Variants in CDH4 observed in about 807,000 individuals in gnomAD.
CDH4 encodes the protein cadherin-4.
Under a neutral mutation model 86.0 loss-of-function variants are expected in CDH4, and 33 were observed. The ratio of observed to expected loss-of-function variants is 0.38; its 90% CI spans 0.29 to 0.51. The LOEUF is 0.51. Ranked by LOEUF, CDH4 falls within the 20% of genes least tolerant of loss-of-function variation. The pLI, the probability that CDH4 is intolerant of heterozygous loss-of-function variation, is 0.86. For missense variants in CDH4, 1,114 were observed against 1,307.4 expected, an observed-to-expected ratio of 0.85 and a Z score of 2.28; for synonymous variants, 555 against 549.4, an observed-to-expected ratio of 1.01 and a Z score of -0.14.
intron 2 of CDH4, among the ~76,000 whole-genome samples, chr20:61,565,344 T>TGGTG (rs2086284530): frequency 1.9e-5 from 1 of 52,038 alleles, no homozygotes; most frequent in Non-Finnish European, 4.0e-5. Context: ...GTGGTAGTGG[T>TGGTG]CCTCTTGGTG....
At chr20:61,855,723 C>T (rs1341578890) in intron 6 of CDH4, among the ~76,000 whole-genome samples, 6 of 152,260 alleles carry the variant, frequency 3.9e-5, no homozygotes, top group African/African-American at 9.6e-5. Context: ...CGTAAGTCCA[C>T]GTAAGCCAAG....
At chr20:61,446,394 TAGTTTA>T (rs1205993273) in intron 2 of CDH4, among the ~76,000 whole-genome samples, 1 of 152,232 alleles carries the variant, frequency 6.6e-6, no homozygotes, top group African/African-American at 2.4e-5. Context: ...ATCATACCCA[TAGTTTA>T]AGTTAAAACA....
chr20:61,303,311 G>A (rs1031918195), intron 2 of CDH4, among the ~76,000 whole-genome samples: 44 of 152,196 alleles, frequency 2.9e-4, no homozygotes, highest in African/African-American at 1.0e-3. Flanking sequence ...CTGCTGCTGG[G>A]GTGGCCTTCC....
In CDH4 at chr20:61,301,057, G is replaced by A. The variant is rs114968712; in HGVS notation, c.169+46120G>A. Among the ~76,000 whole-genome samples the A allele has an allele frequency of 8.0e-3, 1,224 of 152,352 alleles. 18 individuals carry two copies. The highest frequency in any genetic ancestry group is 0.028 in the African/African-American group (1,162 of 41,586). Reference sequence around the variant, plus strand: ...CTTCAAAGCTCACGACTCTTACCTCGCAGTGTGCCCGGGGCTGCGCCCAAC... The same window carrying A: ...CTTCAAAGCTCACGACTCTTACCTCACAGTGTGCCCGGGGCTGCGCCCAAC... On this transcript the variant is annotated intron_variant, in intron 2 of 15. Coordinates refer to ENST00000614565, the MANE Select transcript of CDH4 (RefSeq NM_001794.5).
At chr20:61,780,698 C>T (rs192465086) in intron 4 of CDH4, among the ~76,000 whole-genome samples, 2 of 152,288 alleles carry the variant, frequency 1.3e-5, no homozygotes, top group African/African-American at 2.4e-5. Context: ...AATGTTTAAG[C>T]TCTTTGAAGT....
chr20:61,586,199 A>ATGATGG, intron 2 of CDH4, among the ~76,000 whole-genome samples: 1 of 151,850 alleles, frequency 6.6e-6, no homozygotes, highest in Non-Finnish European at 1.5e-5. Flanking sequence ...GGTGATGATC[A>ATGATGG]TGATGGTGAT....
rs1403611394 is a variant in CDH4 at position 61,920,658 on chromosome 20, CACA to C, written c.1375-2792_1375-2790del. Among the ~76,000 whole-genome samples the C allele has an allele frequency of 1.1e-3, 167 of 145,788 alleles. 4 individuals carry two copies. In the South Asian group the frequency reaches 0.033, roughly 29 times the overall value. ...CAGTGATTGCATGGAAGCGTGGTGT[CACA>C]GTGACTGCATGGAAGCGTGGTGTCG... On this transcript the variant is annotated intron_variant, in intron 9 of 15. Transcript: ENST00000614565.
chr20:61,756,826 G>A (rs546899858), intron 3 of CDH4, among the ~76,000 whole-genome samples: 1 of 152,246 alleles, frequency 6.6e-6, no homozygotes, highest in Admixed American at 6.5e-5. Flanking sequence ...TGGTCCCCCA[G>A]GGCTCTCCAC....
intron 2 of CDH4, among the ~76,000 whole-genome samples, chr20:61,354,197 T>C (rs1369553733): frequency 1.3e-5 from 2 of 151,974 alleles, no homozygotes; most frequent in Non-Finnish European, 2.9e-5. Flanking sequence ...GAGGCCCAAA[T>C]GTCCCAGCGC....
At chr20:61,836,714 T>A (rs1281698853) in intron 4 of CDH4, among the ~76,000 whole-genome samples, 1 of 152,246 alleles carries the variant, frequency 6.6e-6, no homozygotes, top group Non-Finnish European at 1.5e-5. Flanking sequence ...ATTTGTCCAA[T>A]TAATTTTATG....
At chr20:61,862,609 G>C (rs1253634053) in intron 6 of CDH4, among the ~76,000 whole-genome samples, 3 of 152,206 alleles carry the variant, frequency 2.0e-5, no homozygotes, top group African/African-American at 7.2e-5. Context: ...TCACTGACCA[G>C]TGACTGTTTT....
intron 2 of CDH4, among the ~76,000 whole-genome samples, chr20:61,529,703 C>T (rs76455250): frequency 0.059 from 9,040 of 152,150 alleles, 447 homozygotes; most frequent in African/African-American, 0.13. Flanking sequence ...CTTGAGGGAA[C>T]GTCACATGCC....
intron 2 of CDH4, among the ~76,000 whole-genome samples, chr20:61,322,236 T>C (rs985743096): frequency 2.0e-5 from 3 of 152,172 alleles, no homozygotes; most frequent in Non-Finnish European, 4.4e-5. Flanking sequence ...TTTGACTAAC[T>C]ACCCCCCATC....
At chr20:61,750,098 C>A (rs1463498593) in intron 3 of CDH4, among the ~76,000 whole-genome samples, 1 of 152,004 alleles carries the variant, frequency 6.6e-6, no homozygotes, top group Non-Finnish European at 1.5e-5. Context: ...AGGCATTCAT[C>A]TCAAGAAACT....
intron 2 of CDH4, among the ~76,000 whole-genome samples, chr20:61,342,336 A>G (rs948802498): frequency 3.3e-5 from 5 of 152,236 alleles, no homozygotes; most frequent in Non-Finnish European, 7.3e-5. Context: ...ACCATGACGT[A>G]CAGTCAGTGG....
At chr20:61,918,671 A>G (rs2054932074) in intron 9 of CDH4, among the ~76,000 whole-genome samples, 1 of 152,088 alleles carries the variant, frequency 6.6e-6, no homozygotes. Flanking sequence ...GGCTCACCTA[A>G]GCGTGGTGTC....
chr20:61,637,429 C>G (rs1480670910), intron 2 of CDH4, among the ~76,000 whole-genome samples: 2 of 152,168 alleles, frequency 1.3e-5, no homozygotes, highest in African/African-American at 2.4e-5. Flanking sequence ...CCAGTGTGAA[C>G]GTTGGAGGCG....
At chr20:61,750,260 C>G (rs1370855968) in intron 3 of CDH4, among the ~76,000 whole-genome samples, 1 of 152,126 alleles carries the variant, frequency 6.6e-6, no homozygotes, top group Non-Finnish European at 1.5e-5. Context: ...AAGGTATAAA[C>G]TGCAACTAAT....
intron 4 of CDH4, among the ~76,000 whole-genome samples, chr20:61,825,172 C>G (rs542906032): frequency 6.6e-6 from 1 of 152,134 alleles, no homozygotes; most frequent in South Asian, 2.1e-4. Flanking sequence ...CCTTAGGAGG[C>G]CAAGGTGGGT....
Sources: allele counts gnomAD v4.1 joint callset (sites outside exome capture counted in the v4.1 genomes callset), GRCh38; gene constraint gnomAD v4.1.1; transcripts MANE v1.5; gene names NCBI Gene and HGNC (gene_info 2026-07-23, HGNC 2026-07-21).